Variants in ORC4 observed in about 807,000 individuals in gnomAD.
The protein encoded by ORC4 is origin recognition complex, subunit 4 homolog.
ORC4 carries 55 observed loss-of-function variants against 63.9 expected under a neutral mutation model. That is an observed-to-expected ratio of 0.86 (90% CI 0.69 to 1.08). ORC4 has a LOEUF of 1.08. Ranked by LOEUF, ORC4 falls within the 50% of genes least tolerant of loss-of-function variation. The pLI, the probability that ORC4 is intolerant of heterozygous loss-of-function variation, is 0.00. For missense variants in ORC4, 511 were observed against 504.4 expected (o/e 1.01, Z -0.13); for synonymous variants, 150 against 168.5 (o/e 0.89, Z 0.85).
chr2:147,971,925 A>G (rs986817136), intron 4 of ORC4, among the ~76,000 whole-genome samples: 2 of 152,136 alleles, frequency 1.3e-5, no homozygotes, highest in African/African-American at 4.8e-5. Flanking sequence ...TACTCATCTT[A>G]ATAATGTAAT....
At position 147,974,103 on chromosome 2, in the gene ORC4, T is replaced by C. The variant is rs181622874; in HGVS notation, c.58-579A>G. On this transcript the variant is annotated intron_variant, in intron 2 of 13. Transcript: ENST00000392857. The stretch of plus-strand genomic sequence containing the variant: ...CTGACAGCATGGAACTAATCCTTCA[T>C]GTACCAAAGAAGTAAATCTGAGTTC... Among the ~76,000 whole-genome samples, 216 of 152,268 alleles carry C rather than the reference T, an allele frequency of 1.4e-3. 2 individuals are homozygous for C. The highest frequency in any genetic ancestry group is 4.9e-3 in the African/African-American group (204 of 41,560).
intron 8 of ORC4, among the ~76,000 whole-genome samples, chr2:147,951,262 G>A (rs1688944526): frequency 6.6e-6 from 1 of 152,204 alleles, no homozygotes; most frequent in Non-Finnish European, 1.5e-5. Context: ...CGAGAATGGA[G>A]GGGGAAGAGG....
chr2:147,970,311 C>T (rs1190059114), intron 4 of ORC4, among the ~76,000 whole-genome samples: 2 of 151,916 alleles, frequency 1.3e-5, no homozygotes, highest in Non-Finnish European at 2.9e-5. Context: ...ACAAAGATTC[C>T]CAGAATTTTC....
At chr2:147,998,164 T>C (rs1399179028) in intron 1 of ORC4, among the ~76,000 whole-genome samples, 1 of 152,208 alleles carries the variant, frequency 6.6e-6, no homozygotes, top group African/African-American at 2.4e-5. Flanking sequence ...TTAGATATTT[T>C]TGTAAACAAT....
chr2:147,951,265 G>A (rs1688944795), intron 8 of ORC4, among the ~76,000 whole-genome samples: 1 of 152,154 alleles, frequency 6.6e-6, no homozygotes, highest in Non-Finnish European at 1.5e-5. Flanking sequence ...GAATGGAGGG[G>A]GAAGAGGATT....
At chr2:148,006,925 C>T (rs982275717) in intron 1 of ORC4, among the ~76,000 whole-genome samples, 6 of 152,196 alleles carry the variant, frequency 3.9e-5, no homozygotes, top group African/African-American at 1.4e-4. Context: ...CAGAGAAAGA[C>T]TCCTGATTGA....
chr2:147,999,546 G>A (rs984519783), intron 1 of ORC4, among the ~76,000 whole-genome samples: 3 of 152,120 alleles, frequency 2.0e-5, no homozygotes, highest in African/African-American at 7.2e-5. Flanking sequence ...ACCTATCTGT[G>A]GCAATCAAAT....
At position 147,931,186 on chromosome 2, in the gene ORC4, T is replaced by C. The variant is rs1687711913; in HGVS notation, c.*4324A>G. The C allele has an allele frequency of 6.8e-6, 1 of 147,252 alleles. No homozygotes were observed. Among genetic ancestry groups the C allele is most frequent in the Admixed American group, 6.8e-5 (1 of 14,732 alleles). The allele number at this position is 147,252 out of a possible 1,614,324, so 9.1% of individuals were successfully genotyped here. ...CCATGTCCCTACAAAGGACATGAAC[T>C]CATCATTTTTTATGGCTGCATAGTA... On this transcript the variant is annotated 3_prime_UTR_variant, in exon 14 of 14. Transcript: ENST00000392857.
chr2:147,975,022 T>C (rs1690461166), intron 2 of ORC4, among the ~76,000 whole-genome samples: 1 of 152,118 alleles, frequency 6.6e-6, no homozygotes, highest in African/African-American at 2.4e-5. Context: ...CAAAGGTATG[T>C]AAAGCATATT....
rs1558852825 is a variant in ORC4 at position 147,972,766 on chromosome 2, GATA to G, written c.195_197del (p.Ile66del). On this transcript the variant is annotated inframe_deletion, in exon 4 of 14. Transcript: ENST00000392857. ...TAGTTTTTCCTGATCCTCGGGGTCCGATAATAAGGACAGAGTTACTCTCTCCAT... is the reference window on the plus strand; with the variant it reads ...TAGTTTTTCCTGATCCTCGGGGTCCGATAAGGACAGAGTTACTCTCTCCAT... 1.2e-6 allele frequency: 2 copies of G among 1,609,824 alleles called. No homozygotes were observed. Among genetic ancestry groups the G allele is most frequent in the Admixed American group, 1.7e-5 (1 of 59,920 alleles).
At chr2:147,998,003 A>C (rs1261980560) in intron 1 of ORC4, among the ~76,000 whole-genome samples, 1 of 152,210 alleles carries the variant, frequency 6.6e-6, no homozygotes, top group Non-Finnish European at 1.5e-5. Flanking sequence ...AAAACACCAA[A>C]GTCTAATGGA....
chr2:147,967,059 C>T (rs1689934146), intron 4 of ORC4, among the ~76,000 whole-genome samples: 1 of 152,086 alleles, frequency 6.6e-6, no homozygotes, highest in African/African-American at 2.4e-5. Context: ...AAACATCATA[C>T]ACCACATCAA....
At chr2:147,984,908 T>C (rs755685005) in intron 1 of ORC4, among the ~76,000 whole-genome samples, 1 of 152,244 alleles carries the variant, frequency 6.6e-6, no homozygotes, top group Admixed American at 6.5e-5. Context: ...ATCACATGTA[T>C]ATTCATACTC....
At chr2:148,007,337 C>G (rs1477266578) in intron 1 of ORC4, among the ~76,000 whole-genome samples, 3 of 152,116 alleles carry the variant, frequency 2.0e-5, no homozygotes, top group East Asian at 3.9e-4. Flanking sequence ...TGAGAAAGCT[C>G]AATTTAATTC....
At chr2:148,013,163 C>A (rs1479835518) in intron 1 of ORC4, among the ~76,000 whole-genome samples, 1 of 151,982 alleles carries the variant, frequency 6.6e-6, no homozygotes, top group African/African-American at 2.4e-5. Flanking sequence ...TACACAATAG[C>A]CAGGATATGG....
At chr2:148,019,312 G>A (rs1457058592) in intron 1 of ORC4, among the ~76,000 whole-genome samples, 2 of 152,170 alleles carry the variant, frequency 1.3e-5, no homozygotes, top group Non-Finnish European at 2.9e-5. Context: ...TACACCGGCC[G>A]GGCGCGGTGG....
chr2:147,952,346 A>AT (rs763418395), intron 8 of ORC4, 27 bp downstream of exon 8: 5 of 1,512,782 alleles, frequency 3.3e-6, no homozygotes, highest in Non-Finnish European at 3.6e-6. Flanking sequence ...ATTATAATCA[A>AT]TTTTTTTAAT....
rs904764680 is a variant in ORC4, at chr2:147,933,154, C to G, written c.*2356G>C. Reference sequence around the variant, plus strand: ...AGTTTGAGGTAATCAGATTGAAAAGCAGGAGTTCATGCATTTTTTGGTTCT... The same window carrying G: ...AGTTTGAGGTAATCAGATTGAAAAGGAGGAGTTCATGCATTTTTTGGTTCT... On this transcript the variant is annotated 3_prime_UTR_variant, in exon 14 of 14. Transcript: ENST00000392857. The G allele has an allele frequency of 6.6e-6, 1 of 152,020 alleles. No homozygotes were observed. Among genetic ancestry groups the G allele is most frequent in the Non-Finnish European group, 1.5e-5 (1 of 67,998 alleles). 9.4% of individuals were successfully genotyped at this position (152,020 alleles called of 1,614,324 possible). A position where few individuals can be genotyped will look rare whatever the true frequency, so the allele number is the denominator to read the frequency against.
chr2:148,013,483 T>C (rs546946116), intron 1 of ORC4, among the ~76,000 whole-genome samples: 80 of 152,156 alleles, frequency 5.3e-4, no homozygotes, highest in African/African-American at 1.9e-3. Flanking sequence ...TATAGTTAGA[T>C]AGAAGGAATA....
Sources: gnomAD v4.1 joint callset for allele counts (sites outside exome capture counted in the v4.1 genomes callset) on GRCh38, gnomAD v4.1.1 for gene constraint, MANE v1.5 for transcripts, NCBI Gene and HGNC (gene_info 2026-07-23, HGNC 2026-07-21) for gene names.